MAEA: variants seen among roughly 807,000 people sequenced by gnomAD.
The protein encoded by MAEA is E3 ubiquitin-protein transferase MAEA.
A neutral mutation model predicts 46.2 loss-of-function variants in MAEA; 22 were observed. That is an observed-to-expected ratio of 0.48 (90% CI 0.34 to 0.68). The LOEUF (loss-of-function observed/expected upper bound fraction) is 0.68. Ranked by LOEUF, MAEA falls within the 30% of genes least tolerant of loss-of-function variation. MAEA has a pLI of 0.01. For synonymous variants in MAEA, 246 were observed against 222.6 expected, an observed-to-expected ratio of 1.11 and a Z score of -0.94; for missense variants, 393 against 558.1, an observed-to-expected ratio of 0.70 and a Z score of 2.98.
At position 1,339,348 on chromosome 4, in the gene MAEA, T is replaced by C; in HGVS notation, c.*179T>C. ...AAATAAGGTTTCATAAGTTTGTACT[T>C]GAAAACATTTGGATTGGTAGGATTT... On this transcript the variant is annotated 3_prime_UTR_variant, in exon 9 of 9. Coordinates refer to ENST00000303400, the MANE Select transcript of MAEA (RefSeq NM_001017405.3). The C allele has an allele frequency of 1.7e-6, 1 of 588,786 alleles. No homozygotes were observed. Among genetic ancestry groups the C allele is most frequent in the Non-Finnish European group, 3.0e-6 (1 of 330,934 alleles). 36.5% of individuals were successfully genotyped at this position (588,786 alleles called of 1,614,324 possible). A position where few individuals can be genotyped will look rare whatever the true frequency, so the allele number is the denominator to read the frequency against.
chr4:1,290,029 G>T (rs1435587169), intron 1 of MAEA, 47 bp downstream of exon 1: 2 of 1,473,278 alleles, frequency 1.4e-6, no homozygotes, highest in Admixed American at 2.1e-5. Context: ...GGCGTCTCCA[G>T]CCAGTGCCCT....
chr4:1,333,549 G>A (rs985783972), intron 6 of MAEA, among the ~76,000 whole-genome samples: 2 of 152,124 alleles, frequency 1.3e-5, no homozygotes, highest in African/African-American at 4.8e-5. Flanking sequence ...ACTCTCCGCG[G>A]TCACTGGGGT....
chr4:1,321,907 A>G (rs1577202400), intron 3 of MAEA, among the ~76,000 whole-genome samples: 2 of 145,412 alleles, frequency 1.4e-5, no homozygotes, highest in South Asian at 2.1e-4. Flanking sequence ...CATATAAATC[A>G]TTGGTTGTAA....
At chr4:1,310,514 T>C (rs1331570104) in intron 1 of MAEA, among the ~76,000 whole-genome samples, 1 of 152,156 alleles carries the variant, frequency 6.6e-6, no homozygotes, top group African/African-American at 2.4e-5. Flanking sequence ...TGTCACTGCT[T>C]TGTGAGTTGG....
Position 1,327,622 on chromosome 4 carries a change from C to T in MAEA, c.580-5C>T. The T allele has an allele frequency of 6.2e-7, 1 of 1,613,184 alleles. No individual in the cohort carries two copies. Among genetic ancestry groups the T allele is most frequent in the Non-Finnish European group, 8.5e-7 (1 of 1,179,338 alleles). On this transcript the variant is annotated splice_region_variant and splice_polypyrimidine_tract_variant and intron_variant, in intron 4 of 8. Coordinates refer to ENST00000303400, the MANE Select transcript of MAEA (RefSeq NM_001017405.3). ...TCTAAGCCCTCGTCTTGTCTTTGCCCTCAGAGCTGCCTGGAGTTCAGCCTC... is the reference window on the plus strand; with the variant it reads ...TCTAAGCCCTCGTCTTGTCTTTGCCTTCAGAGCTGCCTGGAGTTCAGCCTC...
At chr4:1,300,052 AAGTC>A (rs2108870575) in intron 1 of MAEA, 1 of 152,422 alleles carries the variant, frequency 6.6e-6, no homozygotes, top group Non-Finnish European at 1.5e-5. Context: ...ACCATTGAGA[AAGTC>A]AGCACAATAA....
intron 3 of MAEA, among the ~76,000 whole-genome samples, chr4:1,321,894 T>C (rs1738174459): frequency 6.6e-6 from 1 of 151,218 alleles, no homozygotes. Context: ...TTTTCTTTGC[T>C]TTCATATAAA....
At position 1,309,350 on chromosome 4, in the gene MAEA, T is replaced by TAACCAGCC; in HGVS notation, c.70-2627_70-2620dup. 6.4e-6 allele frequency: 7 copies of TAACCAGCC among 1,088,840 alleles called. No individual in the cohort carries two copies. In the South Asian group the frequency reaches 2.6e-4, roughly 41 times the overall value. The allele number at this position is 1,088,840 out of a possible 1,614,324, so 67.4% of individuals were successfully genotyped here. ...AAGGAGCCTGTGAAGGGGCTCTTGC[T>TAACCAGCC]AACCAGCCAGCCCAGGCCAGTGGAG... On this transcript the variant is annotated intron_variant, in intron 1 of 8. Coordinates refer to ENST00000303400, the MANE Select transcript of MAEA (RefSeq NM_001017405.3).
intron 1 of MAEA, chr4:1,309,963 C>T: frequency 8.0e-7 from 1 of 1,248,940 alleles, no homozygotes; most frequent in Non-Finnish European, 1.0e-6. Context: ...CCAGAGAGGC[C>T]TTTCCTTTTC....
At chr4:1,329,286 A>G (rs1739238794) in intron 5 of MAEA, 1 of 982,612 alleles carries the variant, frequency 1.0e-6, no homozygotes, top group Admixed American at 6.2e-5. Context: ...CGCTCCGCGT[A>G]GGGTCTCTTT....
intron 6 of MAEA, among the ~76,000 whole-genome samples, chr4:1,334,007 C>T (rs1309886726): frequency 2.6e-5 from 1 of 39,090 alleles, no homozygotes; most frequent in Admixed American, 2.3e-4. Flanking sequence ...CCATGCCTAC[C>T]GTGCTCACCC....
At chr4:1,333,952 C>T (rs1288456006) in intron 6 of MAEA, among the ~76,000 whole-genome samples, 2 of 94,770 alleles carry the variant, frequency 2.1e-5, no homozygotes, top group Non-Finnish European at 4.2e-5. Context: ...ATGTGCCCAC[C>T]CCTGCACCCA....
At chr4:1,297,110 C>A (rs746979735) in intron 1 of MAEA, among the ~76,000 whole-genome samples, 1 of 152,204 alleles carries the variant, frequency 6.6e-6, no homozygotes, top group African/African-American at 2.4e-5. Flanking sequence ...AACCAAATGC[C>A]GCATCTCGGC....
At chr4:1,321,274 C>G (rs1467184206) in intron 3 of MAEA, among the ~76,000 whole-genome samples, 2 of 151,786 alleles carry the variant, frequency 1.3e-5, no homozygotes, top group Non-Finnish European at 1.5e-5. Flanking sequence ...AGCAAACGTG[C>G]AAGAAAACGC....
intron 4 of MAEA, chr4:1,323,565 G>C: frequency 1.4e-6 from 1 of 702,572 alleles, no homozygotes; most frequent in African/African-American, 1.7e-5. Flanking sequence ...CCTAAAGAGA[G>C]TTTGGACCTT....
rs1425177979 is a variant in MAEA, at chr4:1,311,166, A to T, written c.70-813A>T. 6.6e-6 allele frequency among the ~76,000 whole-genome samples: 1 copy of T among 152,192 alleles called. No homozygotes were observed. The highest frequency in any genetic ancestry group is 1.5e-5 in the Non-Finnish European group (1 of 68,014). ...GGGCCCACTGCTCTTGGGCGGCAGC[A>T]CGGCCGTGTTGCTGATGCGCTGTGT... On this transcript the variant is annotated intron_variant, in intron 1 of 8. Transcript: ENST00000303400. The surrounding 1 kb of genome is among the most constrained non-coding windows in gnomAD (Gnocchi z 4.4).
rs375961975 is a variant in MAEA at position 1,320,065 on chromosome 4, C to T, written c.457-2316C>T. On this transcript the variant is annotated intron_variant, in intron 3 of 8. Transcript: ENST00000303400. ...TCATCAAAGCAAACATGCAAGGAAA[C>T]GCTATGAAGGGGCTTCAGAAAAGAA... Among the ~76,000 whole-genome samples the T allele has an allele frequency of 4.9e-4, 69 of 139,566 alleles. 2 individuals are homozygous for T. The highest frequency in any genetic ancestry group is 1.6e-3 in the African/African-American group (58 of 36,628). The allele number at this position is 139,566 out of a possible 152,430, so 91.6% of individuals were successfully genotyped here. A position where few individuals can be genotyped will look rare whatever the true frequency, so the allele number is the denominator to read the frequency against.
intron 5 of MAEA, 46 bp downstream of exon 5, chr4:1,327,749 C>T (rs770717630): frequency 1.4e-5 from 22 of 1,545,586 alleles, no homozygotes; most frequent in South Asian, 8.9e-5. Flanking sequence ...GCAGGATGTT[C>T]GGCTGCGGCC....
intron 1 of MAEA, among the ~76,000 whole-genome samples, chr4:1,308,279 G>A (rs1736025222): frequency 6.6e-6 from 1 of 152,146 alleles, no homozygotes; most frequent in Non-Finnish European, 1.5e-5. Context: ...ATCTTAATGG[G>A]ACCACTATCA....
Sources: allele counts gnomAD v4.1 joint callset (sites outside exome capture counted in the v4.1 genomes callset), GRCh38; gene constraint gnomAD v4.1.1; non-coding constraint Gnocchi (gnomAD v3.1); transcripts MANE v1.5; gene names NCBI Gene and HGNC (gene_info 2026-07-23, HGNC 2026-07-21).